MSANTD2: variants seen among roughly 807,000 people sequenced by gnomAD.
MSANTD2 encodes myb/SANT-like DNA-binding domain-containing protein 2.
In MSANTD2, 19 loss-of-function variants were observed where a neutral mutation model predicts 52.6. That is an observed-to-expected ratio of 0.36 (90% CI 0.25 to 0.53). The LOEUF is 0.53. Among genes scored for constraint, MSANTD2 ranks in the 20% least tolerant of loss-of-function variants. MSANTD2 has a pLI of 0.91. For synonymous variants in MSANTD2, 291 were observed against 289.7 expected (o/e 1.00, Z -0.04); for missense variants, 558 against 716.3 (o/e 0.78, Z 2.52).
At chr11:124,786,995 G>A (rs1443310601) in intron 1 of MSANTD2, among the ~76,000 whole-genome samples, 8 of 152,172 alleles carry the variant, frequency 5.3e-5, no homozygotes, top group Admixed American at 5.2e-4. Context: ...TAATCTATCT[G>A]TGCCTTAATT....
Position 124,774,784 on chromosome 11 carries a change from T to C in MSANTD2, c.701A>G (p.Tyr234Cys), listed in dbSNP as rs752576485. ...GTGGTTTCCCCAGTCCTCCTGTGAA[T>C]AGTCCTCCATAGTGCTGCCATCTGA... ...LESDGSTMED[Y>C]SQEDWGNHSQ... Residue 234 changes from tyrosine (Y) to cysteine (C), a missense_variant, in exon 2 of 4, where the codon TAT (tyrosine) becomes TGT (cysteine). Tyr to Cys is a radical substitution (Grantham distance 194). Around this residue, in one of 2 missense-constraint regions of MSANTD2, gnomAD observed 408 missense variants for 573.6 expected, o/e 0.71. Transcript: ENST00000374979. The surrounding 1 kb of genome is among the most constrained non-coding windows in gnomAD (Gnocchi z 5.1). 7.4e-6 allele frequency: 12 copies of C among 1,614,228 alleles called. No homozygotes were observed. In the South Asian group the frequency reaches 1.1e-4, roughly 15 times the overall value.
intron 1 of MSANTD2, among the ~76,000 whole-genome samples, chr11:124,788,342 A>G (rs919830538): frequency 7.2e-5 from 11 of 152,204 alleles, no homozygotes; most frequent in African/African-American, 2.7e-4. Flanking sequence ...AAAAGCATGT[A>G]GATCTTTCAT....
chr11:124,773,137 A>C (rs1052574111), intron 2 of MSANTD2, 83 bp from the exon 3 acceptor site: 11 of 774,670 alleles, frequency 1.4e-5, no homozygotes. Context: ...ATGTTTACTG[A>C]TCATTCCATA....
Position 124,800,391 on chromosome 11 carries a change from G to A in MSANTD2, c.-11C>T, listed in dbSNP as rs757113629. ...ACAGGGCGCAGCCATCTTCCAAGCG[G>A]CCGCCGCTGCACCGCCCGGAAGTGA... On this transcript the variant is annotated 5_prime_UTR_variant, in exon 1 of 4. Coordinates refer to ENST00000374979, the MANE Select transcript of MSANTD2 (RefSeq NM_001308027.2). This position sits in a 1 kb window ranked among gnomAD's most constrained non-coding sequence, Gnocchi z 4.3. 4 of 1,500,064 alleles carry A rather than the reference G, an allele frequency of 2.7e-6. No individual in the cohort carries two copies. In the Admixed American group the frequency reaches 8.5e-5, roughly 32 times the overall value. The allele number at this position is 1,500,064 out of a possible 1,614,324, so 92.9% of individuals were successfully genotyped here.
chr11:124,791,095 A>C lies in MSANTD2; in HGVS notation c.510+8776T>G, dbSNP rs1945317513. ...ATGAAGAGATAACGTGTAAGGGACC[A>C]AGAAGTGAACTATTCTGGTGAAGAG... is the stretch of plus-strand genomic sequence containing the variant. On this transcript the variant is annotated intron_variant, in intron 1 of 3. Coordinates refer to ENST00000374979, the MANE Select transcript of MSANTD2 (RefSeq NM_001308027.2). 8.2e-6 allele frequency: 5 copies of C among 606,364 alleles called. No individual in the cohort carries two copies. In the East Asian group the frequency reaches 1.5e-4, roughly 18 times the overall value. The allele number at this position is 606,364 out of a possible 1,614,324, so 37.6% of individuals were successfully genotyped here. A position where few individuals can be genotyped will look rare whatever the true frequency, so the allele number is the denominator to read the frequency against.
intron 1 of MSANTD2, among the ~76,000 whole-genome samples, chr11:124,781,437 C>T (rs1944963167): frequency 6.6e-6 from 1 of 152,126 alleles, no homozygotes; most frequent in Non-Finnish European, 1.5e-5. Context: ...CAGAAAAACA[C>T]ACATCCAGAA....
intron 1 of MSANTD2, chr11:124,783,664 A>T: frequency 1.7e-5 from 15 of 896,164 alleles, no homozygotes; most frequent in Non-Finnish European, 2.0e-5. Flanking sequence ...ACAAAACTTT[A>T]AAAAAATATA....
intron 1 of MSANTD2, chr11:124,791,398 C>A: frequency 7.5e-7 from 1 of 1,337,234 alleles, no homozygotes; most frequent in East Asian, 2.3e-5. Flanking sequence ...ATCATCAAAA[C>A]CTTAGAACTC....
chr11:124,767,401 T>C lies in MSANTD2; in HGVS notation c.1455A>G (p.Leu485=). ...GGAAATGTAAAAATAAGCACTGCTG[T>C]AGAGTCCTGACCTCAGCAATCCCGA... ...CYLGIAEVRT[L]QQCLFLHFQA... The change falls in exon 4 of 4, where the codon CTA becomes CTG. Residue 485 remains leucine (L), a synonymous_variant. Transcript: ENST00000374979. The surrounding 1 kb of genome is among the most constrained non-coding windows in gnomAD (Gnocchi z 6.5). 6.2e-7 allele frequency: 1 copy of C among 1,614,212 alleles called. No individual in the cohort carries two copies. The highest frequency in any genetic ancestry group is 2.2e-5 in the East Asian group (1 of 44,886).
chr11:124,767,983 T>C lies in MSANTD2; in HGVS notation c.873A>G (p.Val291=). ...MQNIVQILES[V]QLKWELFQSW... ...TCTGAAAAAGTTCCCATTTCAACTG[T>C]ACCGATTCCAAAATCTGTACAATAT... The change falls in exon 4 of 4, where the codon GTA becomes GTG. Residue 291 remains valine (V), a synonymous_variant. Coordinates refer to ENST00000374979, the MANE Select transcript of MSANTD2 (RefSeq NM_001308027.2). The surrounding 1 kb of genome is among the most constrained non-coding windows in gnomAD (Gnocchi z 6.5). 3.1e-6 allele frequency: 5 copies of C among 1,613,302 alleles called. No individual in the cohort carries two copies. The highest frequency in any genetic ancestry group is 4.2e-6 in the Non-Finnish European group (5 of 1,179,426).
chr11:124,774,942 T>A lies in MSANTD2; in HGVS notation c.543A>T (p.Glu181Asp). ...TLRRCYSRVKEHGVGKRKSSY... is the reference protein window; with the variant it reads ...TLRRCYSRVKDHGVGKRKSSY... ...TGCTCTTTCTTTTCCCAACACCATG[T>A]TCTTTCACCCGACTGTAACACCTGC... The change falls in exon 2 of 4, where the codon GAA (glutamate) becomes GAT (aspartate). Residue 181 changes from glutamate to aspartate, a missense_variant. Glu to Asp is a conservative substitution (Grantham distance 45). Around this residue, in one of 2 missense-constraint regions of MSANTD2, gnomAD observed 408 missense variants for 573.6 expected, o/e 0.71. Transcript: ENST00000374979. The surrounding 1 kb of genome is among the most constrained non-coding windows in gnomAD (Gnocchi z 5.1). 1 of 1,578,978 alleles carries A rather than the reference T, an allele frequency of 6.3e-7. No individual in the cohort carries two copies. Among genetic ancestry groups the A allele is most frequent in the Non-Finnish European group, 8.6e-7 (1 of 1,166,118 alleles).
At position 124,766,864 on chromosome 11, in the gene MSANTD2, G is replaced by A. The variant is rs1376816779; in HGVS notation, c.*312C>T. ...GTATAAGTTTTGTCCAATATGGAATGTACCTACATTTGTTTATATTAGGGC... is the reference window on the plus strand; with the variant it reads ...GTATAAGTTTTGTCCAATATGGAATATACCTACATTTGTTTATATTAGGGC... On this transcript the variant is annotated 3_prime_UTR_variant, in exon 4 of 4. Coordinates refer to ENST00000374979, the MANE Select transcript of MSANTD2 (RefSeq NM_001308027.2). 4.4e-6 allele frequency: 1 copy of A among 229,750 alleles called. No homozygotes were observed. Among genetic ancestry groups the A allele is most frequent in the East Asian group, 9.1e-5 (1 of 11,018 alleles). The allele number at this position is 229,750 out of a possible 1,614,324, so 14.2% of individuals were successfully genotyped here. A position where few individuals can be genotyped will look rare whatever the true frequency, so the allele number is the denominator to read the frequency against.
chr11:124,786,992 T>C (rs139303765), intron 1 of MSANTD2, among the ~76,000 whole-genome samples: 9 of 152,310 alleles, frequency 5.9e-5, no homozygotes, highest in African/African-American at 2.2e-4. Flanking sequence ...AATTAATCTA[T>C]CTGTGCCTTA....
chr11:124,788,100 CAATT>C (rs1945217856), intron 1 of MSANTD2, among the ~76,000 whole-genome samples: 2 of 144,532 alleles, frequency 1.4e-5, no homozygotes, highest in Non-Finnish European at 3.1e-5. Context: ...AAAAAAAAGC[CAATT>C]AATTAATCAT....
At chr11:124,794,221 G>A (rs1945422332) in intron 1 of MSANTD2, among the ~76,000 whole-genome samples, 1 of 152,118 alleles carries the variant, frequency 6.6e-6, no homozygotes, top group South Asian at 2.1e-4. Flanking sequence ...TCTTAATGAA[G>A]TAACCAGAAT....
At chr11:124,796,777 T>A (rs920868491) in intron 1 of MSANTD2, among the ~76,000 whole-genome samples, 1 of 152,218 alleles carries the variant, frequency 6.6e-6, no homozygotes. Flanking sequence ...TTGCTTCTAT[T>A]TTGTAAAATC....
intron 1 of MSANTD2, among the ~76,000 whole-genome samples, chr11:124,798,336 T>C (rs1461313515): frequency 1.3e-5 from 2 of 151,614 alleles, no homozygotes; most frequent in African/African-American, 4.9e-5. Context: ...CAGGAGTTCT[T>C]CAGGTTGGGC....
At chr11:124,769,970 T>A (rs574519575) in intron 3 of MSANTD2, among the ~76,000 whole-genome samples, 15 of 152,246 alleles carry the variant, frequency 9.9e-5, no homozygotes, top group African/African-American at 3.4e-4. Flanking sequence ...CCTGCTGATA[T>A]GAGCCTGAAG....
chr11:124,793,908 T>A (rs186972680), intron 1 of MSANTD2, among the ~76,000 whole-genome samples: 29 of 152,278 alleles, frequency 1.9e-4, no homozygotes, highest in African/African-American at 6.7e-4. Flanking sequence ...GCCAGGAGAA[T>A]CCTTTTACAA....
Sources: gnomAD v4.1 joint callset for allele counts (sites outside exome capture counted in the v4.1 genomes callset) on GRCh38, gnomAD v4.1.1 for gene constraint, gnomAD v4.1.1 regional missense constraint, Gnocchi (gnomAD v3.1) non-coding constraint, MANE v1.5 for transcripts, NCBI Gene and HGNC (gene_info 2026-07-23, HGNC 2026-07-21) for gene names.